The following ASCC3 variants were observed in gnomAD, a reference collection of about 807,000 sequenced individuals.
ASCC3 encodes the protein ASC-1 complex subunit P200.
ASCC3 carries 158 observed loss-of-function variants against 256.3 expected under a neutral mutation model. The ratio of observed to expected loss-of-function variants is 0.62; its 90% CI spans 0.54 to 0.70. ASCC3 has a LOEUF of 0.70. Among genes scored for constraint, ASCC3 ranks in the 30% least tolerant of loss-of-function variants. ASCC3 has a pLI of 0.00. For synonymous variants in ASCC3, 948 were observed against 883.4 expected (o/e 1.07, Z -1.30); for missense variants, 2,259 against 2,626.0 (o/e 0.86, Z 3.05).
chr6:100,577,684 T>C (rs1037277339), intron 36 of ASCC3, among the ~76,000 whole-genome samples: 1 of 152,158 alleles, frequency 6.6e-6, no homozygotes, highest in Admixed American at 6.6e-5. Context: ...GTGTCTTTCA[T>C]GGTTTACTAC....
chr6:100,646,475 T>A, intron 22 of ASCC3, 140 bp downstream of exon 22: 1 of 889,014 alleles, frequency 1.1e-6, no homozygotes, highest in Non-Finnish European at 1.6e-6. Flanking sequence ...CATGCCCGGC[T>A]AATTGCTATA....
intron 37 of ASCC3, chr6:100,530,733 C>A (rs1288518637): frequency 1.0e-6 from 1 of 957,884 alleles, no homozygotes; most frequent in Non-Finnish European, 1.7e-6. Context: ...AGAACCAGGA[C>A]AATTTAAGGA....
rs751064711 is a variant in ASCC3, at chr6:100,599,031, TAG to T, written c.5303+2777_5303+2778del. On this transcript the variant is annotated intron_variant, in intron 34 of 41. Coordinates refer to ENST00000369162, the MANE Select transcript of ASCC3 (RefSeq NM_006828.4). ...GAAAGTTAGAGTAGAGAAAGATTTT[TAG>T]AGTTACATGATTAATTCAGTTTTGG... Among the ~76,000 whole-genome samples, 15 of 152,278 alleles carry T rather than the reference TAG, an allele frequency of 9.9e-5. No homozygotes were observed. In the South Asian group the frequency reaches 1.9e-3, roughly 19 times the overall value.
intron 36 of ASCC3, among the ~76,000 whole-genome samples, chr6:100,575,373 CAATTT>C (rs1770804355): frequency 1.3e-5 from 2 of 151,954 alleles, no homozygotes; most frequent in African/African-American, 4.8e-5. Context: ...TCCTACAAAA[CAATTT>C]ATAGTTGTGC....
chr6:100,851,622 A>G (rs1473353210), intron 3 of ASCC3, among the ~76,000 whole-genome samples: 1 of 152,214 alleles, frequency 6.6e-6, no homozygotes, highest in Non-Finnish European at 1.5e-5. Flanking sequence ...ACTTAAAAAA[A>G]TTTAAACCTT....
chr6:100,715,080 C>G (rs1779028392), intron 13 of ASCC3: 1 of 156,558 alleles, frequency 6.4e-6, no homozygotes, highest in Admixed American at 6.4e-5. Context: ...CTTTAACAAT[C>G]TTGATGGGAG....
intron 40 of ASCC3, chr6:100,510,429 T>C (rs1454499556): frequency 1.1e-5 from 3 of 278,692 alleles, no homozygotes; most frequent in Non-Finnish European, 2.1e-5. Context: ...CAATTAACTT[T>C]AATACCACAT....
chr6:100,767,043 T>G lies in ASCC3; in HGVS notation c.1596+102A>C, dbSNP rs1230672746. 1.2e-5 allele frequency: 14 copies of G among 1,185,650 alleles called. No homozygotes were observed. The Admixed American group carries it at 2.7e-4, about 23-fold the overall frequency. 73.4% of individuals were successfully genotyped at this position (1,185,650 alleles called of 1,614,324 possible). On this transcript the variant is annotated intron_variant, in intron 9 of 41. Coordinates refer to ENST00000369162, the MANE Select transcript of ASCC3 (RefSeq NM_006828.4). ...ACAGTATTACTTATCTGACTTCAAG[T>G]ACAATATCTTTAAGAACTTTCAAAT...
At chr6:100,574,645 G>T (rs531892995) in intron 36 of ASCC3, among the ~76,000 whole-genome samples, 3 of 151,282 alleles carry the variant, frequency 2.0e-5, no homozygotes, top group Non-Finnish European at 2.9e-5. Flanking sequence ...GTAATTGACA[G>T]TCCTTAATCT....
At position 100,636,240 on chromosome 6, in the gene ASCC3, C is replaced by T. The variant is rs139976486; in HGVS notation, c.4122+2361G>A. On this transcript the variant is annotated intron_variant, in intron 25 of 41. Transcript: ENST00000369162. ...ATGTGTTCACTTCATGCCTCTGTTA[C>T]GTTTTGGTAATTCTACCAATATTTC... Among the ~76,000 whole-genome samples the T allele has an allele frequency of 4.0e-3, 611 of 152,214 alleles. 5 individuals carry two copies. Among genetic ancestry groups the T allele is most frequent in the Middle Eastern group, 0.014 (4 of 294 alleles).
At chr6:100,635,680 C>A (rs1460860653) in intron 25 of ASCC3, among the ~76,000 whole-genome samples, 1 of 151,948 alleles carries the variant, frequency 6.6e-6, no homozygotes, top group African/African-American at 2.4e-5. Context: ...CAAAACATCA[C>A]ATTGTATACC....
intron 8 of ASCC3, among the ~76,000 whole-genome samples, chr6:100,776,130 T>C (rs1782176138): frequency 6.6e-6 from 1 of 152,128 alleles, no homozygotes; most frequent in South Asian, 2.1e-4. Context: ...CCTAATTAAA[T>C]GCAGCTAATA....
At chr6:100,769,086 T>C (rs1781795903) in intron 8 of ASCC3, among the ~76,000 whole-genome samples, 1 of 152,008 alleles carries the variant, frequency 6.6e-6, no homozygotes, top group African/African-American at 2.4e-5. Context: ...AACCAATACT[T>C]AGGGGAAATT....
At chr6:100,864,768 G>T (rs895526630) in intron 2 of ASCC3, among the ~76,000 whole-genome samples, 2 of 152,110 alleles carry the variant, frequency 1.3e-5, no homozygotes, top group East Asian at 1.9e-4. Flanking sequence ...TCTATTAGGT[G>T]GCTTAAACAA....
intron 10 of ASCC3, among the ~76,000 whole-genome samples, chr6:100,744,853 T>C (rs923192827): frequency 2.6e-5 from 4 of 152,224 alleles, no homozygotes; most frequent in African/African-American, 9.6e-5. Flanking sequence ...TCTCACCATA[T>C]GTTTGAGAAT....
At chr6:100,685,601 T>C (rs970881556) in intron 13 of ASCC3, among the ~76,000 whole-genome samples, 5 of 152,202 alleles carry the variant, frequency 3.3e-5, no homozygotes. Flanking sequence ...AAAAAAATTA[T>C]TAGCTTTTCC....
chr6:100,545,440 T>C (rs1775674335), intron 36 of ASCC3, among the ~76,000 whole-genome samples: 1 of 152,170 alleles, frequency 6.6e-6, no homozygotes, highest in Non-Finnish European at 1.5e-5. Context: ...CCTCCCAAAG[T>C]GCTGGGATTA....
At chr6:100,758,574 C>A (rs1781292356) in intron 10 of ASCC3, among the ~76,000 whole-genome samples, 1 of 152,072 alleles carries the variant, frequency 6.6e-6, no homozygotes, top group African/African-American at 2.4e-5. Flanking sequence ...GATCTCATTC[C>A]TTTTTATGGC....
chr6:100,591,809 G>T (rs7741503), intron 34 of ASCC3, among the ~76,000 whole-genome samples: 1 of 151,668 alleles, frequency 6.6e-6, no homozygotes, highest in African/African-American at 2.4e-5. Context: ...ACCATCAGCC[G>T]TTGTCCTATA....
Sources: allele counts gnomAD v4.1 joint callset (sites outside exome capture counted in the v4.1 genomes callset), GRCh38; gene constraint gnomAD v4.1.1; transcripts MANE v1.5; gene names NCBI Gene and HGNC (gene_info 2026-07-23, HGNC 2026-07-21).